The following COG3 variants were observed in gnomAD, a reference collection of about 807,000 sequenced individuals.
The protein encoded by COG3 is conserved oligomeric Golgi complex subunit 3.
COG3 carries 32 observed loss-of-function variants against 114.1 expected under a neutral mutation model. That is an observed-to-expected ratio of 0.28 (90% CI 0.21 to 0.38). The LOEUF (loss-of-function observed/expected upper bound fraction) is 0.38, where lower values mean the gene tolerates loss of function less well. Among genes scored for constraint, COG3 ranks in the 10% least tolerant of loss-of-function variants. The pLI, the probability that COG3 is intolerant of heterozygous loss-of-function variation, is 1.00. For synonymous variants in COG3, 352 were observed against 365.7 expected (o/e 0.96, Z 0.43); for missense variants, 813 against 973.2 (o/e 0.84, Z 2.19).
chr13:45,532,560 G>GTTT (rs59023921), intron 22 of COG3, among the ~76,000 whole-genome samples: 1 of 82,466 alleles, frequency 1.2e-5, no homozygotes, highest in African/African-American at 6.5e-5. Context: ...TCCTTCCATT[G>GTTT]TTTTTTTTTT....
rs1885048647 is a variant in COG3, at chr13:45,465,129, G to A, written c.93G>A (p.Thr31=). ...KLALWDRRPD[T]TAPLTDRQTD... ...CTCTCTGGGATCGGAGACCGGACAC[G>A]ACGGCGCCGCTGACCGACAGGCAGA... The change falls in exon 1 of 23, where the codon ACG becomes ACA. Residue 31 remains threonine (T), a synonymous_variant. Transcript: ENST00000349995. 1 of 1,613,428 alleles carries A rather than the reference G, an allele frequency of 6.2e-7. No individual in the cohort carries two copies. Among genetic ancestry groups the A allele is most frequent in the Admixed American group, 1.7e-5 (1 of 60,008 alleles).
chr13:45,496,704 T>C (rs571173221), intron 13 of COG3, among the ~76,000 whole-genome samples: 21 of 152,246 alleles, frequency 1.4e-4, no homozygotes, highest in African/African-American at 5.1e-4. Context: ...GATGGAGTCT[T>C]GCTCTGTCGC....
intron 18 of COG3, 28 bp from the exon 19 acceptor site, chr13:45,518,932 A>G: frequency 6.2e-7 from 1 of 1,613,820 alleles, no homozygotes; most frequent in South Asian, 1.1e-5. Flanking sequence ...ACATAAAAAC[A>G]GGAGGAAATT....
At chr13:45,533,993 G>T (rs1455801752) in intron 22 of COG3, among the ~76,000 whole-genome samples, 1 of 152,202 alleles carries the variant, frequency 6.6e-6, no homozygotes, top group African/African-American at 2.4e-5. Context: ...TACCCACAAG[G>T]TTCCAGGGCC....
chr13:45,496,439 C>G, intron 13 of COG3, 127 bp downstream of exon 13: 1 of 680,866 alleles, frequency 1.5e-6, no homozygotes, highest in Non-Finnish European at 2.0e-6. Context: ...AGGCTGGTCT[C>G]GAACTCCTGA....
At chr13:45,500,094 G>GTGTGTGTGTGTGTA (rs1321310200) in intron 13 of COG3, among the ~76,000 whole-genome samples, 2 of 114,834 alleles carry the variant, frequency 1.7e-5, no homozygotes, top group African/African-American at 6.9e-5. Flanking sequence ...GTGTGTGTGT[G>GTGTGTGTGTGTGTA]TATATATATA....
At chr13:45,467,975 A>G (rs1410589106) in intron 1 of COG3, among the ~76,000 whole-genome samples, 1 of 152,258 alleles carries the variant, frequency 6.6e-6, no homozygotes, top group African/African-American at 2.4e-5. Flanking sequence ...CTCTTTTATG[A>G]AAGAGAACTA....
intron 14 of COG3, among the ~76,000 whole-genome samples, chr13:45,505,324 CAG>C (rs1305104563): frequency 1.5e-5 from 2 of 136,584 alleles, no homozygotes; most frequent in African/African-American, 5.4e-5. Context: ...TTTTGAGAGA[CAG>C]AGTCTCACTC....
intron 20 of COG3, among the ~76,000 whole-genome samples, chr13:45,526,734 A>G (rs1383479064): frequency 6.6e-6 from 1 of 152,238 alleles, no homozygotes; most frequent in Non-Finnish European, 1.5e-5. Flanking sequence ...ACATCTTACT[A>G]CAAAAGCACA....
rs746985379 is a variant in COG3, at chr13:45,535,486, G to A, written c.*755G>A. 10 of 985,418 alleles carry A rather than the reference G, an allele frequency of 1.0e-5. No homozygotes were observed. The highest frequency in any genetic ancestry group is 1.2e-5 in the Non-Finnish European group (10 of 829,958). The allele number at this position is 985,418 out of a possible 1,614,324, so 61.0% of individuals were successfully genotyped here. A position where few individuals can be genotyped will look rare whatever the true frequency, so the allele number is the denominator to read the frequency against. Reference sequence around the variant, plus strand: ...TATGATAGTGTGTGTTTGTGAGTGCGAAGTACCAATTAAGGTGTCTTAAAT... The same window carrying A: ...TATGATAGTGTGTGTTTGTGAGTGCAAAGTACCAATTAAGGTGTCTTAAAT... On this transcript the variant is annotated 3_prime_UTR_variant, in exon 23 of 23. Coordinates refer to ENST00000349995, the MANE Select transcript of COG3 (RefSeq NM_031431.4).
In COG3 at chr13:45,509,809, G is replaced by T. The variant is rs1472565980; in HGVS notation, c.1712G>T (p.Cys571Phe). 6.2e-7 allele frequency: 1 copy of T among 1,610,256 alleles called. No individual in the cohort carries two copies. The highest frequency in any genetic ancestry group is 8.5e-7 in the Non-Finnish European group (1 of 1,177,108). ...TLVCLSKLYR[C>F]IDRAVFQGLS... is the part of the protein sequence containing the mutation. ...GTCTGTCTCTCCAAATTATACAGAT[G>T]CATAGATGTACGTGTATCTTTACTG... The change falls in exon 15 of 23, where the codon TGC becomes TTC. Residue 571 changes from cysteine to phenylalanine, a missense_variant. Cys to Phe is a radical substitution (Grantham distance 205). Coordinates refer to ENST00000349995, the MANE Select transcript of COG3 (RefSeq NM_031431.4).
intron 9 of COG3, 145 bp downstream of exon 9, chr13:45,491,103 A>G (rs886694909): frequency 1.6e-6 from 1 of 629,340 alleles, no homozygotes; most frequent in South Asian, 2.3e-5. Flanking sequence ...GAGCAAGGTC[A>G]CAGACTTAGC....
intron 16 of COG3, among the ~76,000 whole-genome samples, chr13:45,515,374 A>G (rs542789548): frequency 6.6e-6 from 1 of 152,370 alleles, no homozygotes; most frequent in South Asian, 2.1e-4. Flanking sequence ...CTAAGGTAAT[A>G]TAAAAGTTTC....
At chr13:45,514,224 T>A (rs1420650934) in intron 16 of COG3, among the ~76,000 whole-genome samples, 6 of 136,730 alleles carry the variant, frequency 4.4e-5, no homozygotes, top group Non-Finnish European at 4.6e-5. Flanking sequence ...GCAGTGGCGC[T>A]ATCTCAGCTC....
rs562599293 is a variant in COG3 at position 45,483,417 on chromosome 13, T to C, written c.843+62T>C. The stretch of plus-strand genomic sequence containing the variant: ...TGTTGTTGTTTTGATTCATTCATCT[T>C]CCATAATCTTTGGCTGAGATTAGTA... On this transcript the variant is annotated intron_variant, in intron 7 of 22. Transcript: ENST00000349995. 29 of 1,371,694 alleles carry C rather than the reference T, an allele frequency of 2.1e-5. No individual in the cohort carries two copies. In the Middle Eastern group the frequency reaches 5.9e-4, roughly 28 times the overall value. The allele number at this position is 1,371,694 out of a possible 1,614,324, so 85.0% of individuals were successfully genotyped here. A position where few individuals can be genotyped will look rare whatever the true frequency, so the allele number is the denominator to read the frequency against.
intron 1 of COG3, among the ~76,000 whole-genome samples, chr13:45,475,836 C>T (rs968895874): frequency 2.6e-5 from 4 of 151,836 alleles, no homozygotes; most frequent in Admixed American, 1.3e-4. Flanking sequence ...CGTGGTGTTG[C>T]GTGCCTGTAA....
intron 8 of COG3, among the ~76,000 whole-genome samples, chr13:45,488,755 A>G (rs927595851): frequency 2.0e-5 from 3 of 152,136 alleles, no homozygotes; most frequent in African/African-American, 7.2e-5. Context: ...AATATATGTT[A>G]TATTTTATAA....
At chr13:45,506,254 CGT>C (rs1870133477) in intron 14 of COG3, among the ~76,000 whole-genome samples, 1 of 151,892 alleles carries the variant, frequency 6.6e-6, no homozygotes, top group African/African-American at 2.4e-5. Flanking sequence ...CTGTAGCAGA[CGT>C]CTTGGGAGAG....
chr13:45,524,626 G>A (rs1012388557), intron 19 of COG3, among the ~76,000 whole-genome samples: 3 of 152,152 alleles, frequency 2.0e-5, no homozygotes, highest in African/African-American at 7.2e-5. Flanking sequence ...TGACGTAACA[G>A]TCCCCTTAAG....
Sources: gnomAD v4.1 joint callset for allele counts (sites outside exome capture counted in the v4.1 genomes callset) on GRCh38, gnomAD v4.1.1 for gene constraint, MANE v1.5 for transcripts, NCBI Gene and HGNC (gene_info 2026-07-23, HGNC 2026-07-21) for gene names.